The following STX2 variants were observed in gnomAD, a reference collection of about 807,000 sequenced individuals.
The protein encoded by STX2 is syntaxin 2, also known as syntaxin-2.
In STX2, 27 loss-of-function variants were observed where a neutral mutation model predicts 40.6. The observed-to-expected ratio is 0.66, with a 90% CI of 0.49 to 0.92. The LOEUF is 0.92. Ranked by LOEUF, STX2 falls within the 40% of genes least tolerant of loss-of-function variation. The pLI, the probability that STX2 is intolerant of heterozygous loss-of-function variation, is 0.00. For missense variants in STX2, 328 were observed against 366.1 expected (o/e 0.90, Z 0.85); for synonymous variants, 123 against 119.1 (o/e 1.03, Z -0.22).
Position 130,806,876 on chromosome 12 carries a change from G to A in STX2, c.463+106C>T, listed in dbSNP as rs1951454668. 1.0e-5 allele frequency: 11 copies of A among 1,053,308 alleles called. No homozygotes were observed. In the East Asian group the frequency reaches 2.7e-4, roughly 26 times the overall value. The allele number at this position is 1,053,308 out of a possible 1,614,324, so 65.2% of individuals were successfully genotyped here. A position where few individuals can be genotyped will look rare whatever the true frequency, so the allele number is the denominator to read the frequency against. ...AGTGGTCTTTGGGTTTTACACTATTGGTGAAAATAGACATGGATTTCCTTT... is the reference window on the plus strand; with the variant it reads ...AGTGGTCTTTGGGTTTTACACTATTAGTGAAAATAGACATGGATTTCCTTT... On this transcript the variant is annotated intron_variant, in intron 6 of 10. Coordinates refer to ENST00000392373, the MANE Select transcript of STX2 (RefSeq NM_194356.4).
rs1427844638 is a variant in STX2, at chr12:130,789,675, A to T, written c.*2348T>A. Reference sequence around the variant, plus strand: ...AAAATCTTTCCAGAAATGACAAGGCAGGAAAGTGAATACTTTTATGCTTCT... The same window carrying T: ...AAAATCTTTCCAGAAATGACAAGGCTGGAAAGTGAATACTTTTATGCTTCT... On this transcript the variant is annotated 3_prime_UTR_variant, in exon 11 of 11. Transcript: ENST00000392373. The T allele has an allele frequency of 6.6e-6, 1 of 152,670 alleles. No individual in the cohort carries two copies. Among genetic ancestry groups the T allele is most frequent in the Non-Finnish European group, 1.5e-5 (1 of 68,042 alleles). The allele number at this position is 152,670 out of a possible 1,614,324, so 9.5% of individuals were successfully genotyped here.
Position 130,796,073 on chromosome 12 carries a change from G to A in STX2, c.834C>T (p.Ile278=), listed in dbSNP as rs374031341. ...IAVSVVLVAI[I]ALIIGLSVGK ...CAACTGACAAGCCAATAATTAGAGC[G>A]ATTATGGCAACCAGAACCACTGACA... is the stretch of plus-strand genomic sequence containing the variant. Residue 278 remains isoleucine (I), a synonymous_variant, in exon 10 of 11, where the codon ATC becomes ATT. Coordinates refer to ENST00000392373, the MANE Select transcript of STX2 (RefSeq NM_194356.4). 7.4e-6 allele frequency: 12 copies of A among 1,614,104 alleles called. No individual in the cohort carries two copies. The highest frequency in any genetic ancestry group is 1.1e-5 in the South Asian group (1 of 91,078).
chr12:130,826,544 G>A (rs922281094), intron 2 of STX2, among the ~76,000 whole-genome samples: 4 of 152,096 alleles, frequency 2.6e-5, no homozygotes, highest in Admixed American at 2.6e-4. Flanking sequence ...GTTCCCTCCC[G>A]GACTGCATTA....
chr12:130,814,354 G>T (rs1208404923), intron 3 of STX2, among the ~76,000 whole-genome samples: 1 of 152,188 alleles, frequency 6.6e-6, no homozygotes, highest in Non-Finnish European at 1.5e-5. Context: ...GGGCAGCGAG[G>T]AGGAGAAGCG....
intron 10 of STX2, 118 bp from the exon 11 acceptor site, chr12:130,792,095 G>A: frequency 1.6e-6 from 1 of 625,918 alleles, no homozygotes; most frequent in Non-Finnish European, 2.7e-6. Flanking sequence ...TATCAAGAAA[G>A]GACTCCTCCA....
intron 3 of STX2, among the ~76,000 whole-genome samples, chr12:130,818,185 A>AAAAAAAAAATAT: frequency 2.8e-3 from 198 of 70,468 alleles, no homozygotes; most frequent in Admixed American, 0.011. Flanking sequence ...AAAAAAAAAA[A>AAAAAAAAAATAT]ATATATATAT....
chr12:130,814,023 A>G (rs1057172638), intron 3 of STX2, among the ~76,000 whole-genome samples: 3 of 152,194 alleles, frequency 2.0e-5, no homozygotes, highest in Admixed American at 2.0e-4. Context: ...TCAGCTGAGC[A>G]TACGCAGGGT....
At chr12:130,814,292 C>T (rs1951772054) in intron 3 of STX2, among the ~76,000 whole-genome samples, 2 of 152,048 alleles carry the variant, frequency 1.3e-5, no homozygotes, top group South Asian at 4.1e-4. Context: ...CAGGAAGCGC[C>T]AATGCCACGC....
intron 4 of STX2, among the ~76,000 whole-genome samples, 193 bp from the exon 5 acceptor site, chr12:130,808,897 G>A (rs1951540967): frequency 6.6e-6 from 1 of 152,188 alleles, no homozygotes; most frequent in Non-Finnish European, 1.5e-5. Context: ...GACAAGGTCT[G>A]GCTCTATCAC....
intron 5 of STX2, among the ~76,000 whole-genome samples, chr12:130,807,787 G>A (rs985790426): frequency 6.6e-6 from 1 of 152,180 alleles, no homozygotes; most frequent in Non-Finnish European, 1.5e-5. Flanking sequence ...ACTGTGAAAG[G>A]AAAATAAAAT....
intron 10 of STX2, among the ~76,000 whole-genome samples, chr12:130,795,758 G>A (rs532655469): frequency 1.3e-5 from 2 of 152,112 alleles, no homozygotes; most frequent in South Asian, 2.1e-4. Flanking sequence ...TTTTAAAAAC[G>A]GGATAAGAAG....
chr12:130,827,176 T>C lies in STX2; in HGVS notation c.105+17A>G. 2 of 1,608,728 alleles carry C rather than the reference T, an allele frequency of 1.2e-6. No individual in the cohort carries two copies. Among genetic ancestry groups the C allele is most frequent in the South Asian group, 2.2e-5 (2 of 90,922 alleles). ...CAGGTAGGCAGGCTATGATTGGGTT[T>C]CATTAAACGCTCTTACCTGATGGAA... On this transcript the variant is annotated intron_variant, in intron 2 of 10. Coordinates refer to ENST00000392373, the MANE Select transcript of STX2 (RefSeq NM_194356.4).
At chr12:130,799,516 T>A (rs2136240012) in intron 8 of STX2, among the ~76,000 whole-genome samples, 1 of 152,218 alleles carries the variant, frequency 6.6e-6, no homozygotes, top group Non-Finnish European at 1.5e-5. Flanking sequence ...TGGAAATAAG[T>A]AACCAATGGT....
chr12:130,804,369 T>C (rs143200574), intron 6 of STX2, among the ~76,000 whole-genome samples: 346 of 152,234 alleles, frequency 2.3e-3, no homozygotes, highest in African/African-American at 7.8e-3. Flanking sequence ...ACCACCGTGA[T>C]GACCGATGCT....
chr12:130,812,840 T>G, intron 4 of STX2, 117 bp downstream of exon 4: 1 of 713,366 alleles, frequency 1.4e-6, no homozygotes, highest in Non-Finnish European at 2.4e-6. Context: ...TAATTTATTT[T>G]AAAGCAGTCA....
intron 6 of STX2, among the ~76,000 whole-genome samples, chr12:130,804,426 G>A (rs1951349506): frequency 1.3e-5 from 2 of 152,216 alleles, no homozygotes; most frequent in African/African-American, 4.8e-5. Flanking sequence ...TGAAGACGAT[G>A]CCTCCGGCAC....
chr12:130,804,149 A>G (rs1951337476), intron 6 of STX2, among the ~76,000 whole-genome samples: 1 of 152,232 alleles, frequency 6.6e-6, no homozygotes, highest in South Asian at 2.1e-4. Context: ...GCCCTGGTCC[A>G]AGAAGAAACT....
In STX2 at chr12:130,806,985, T is replaced by A. The variant is rs780730429; in HGVS notation, c.460A>T (p.Ile154Leu). ...SKGRIQRQLE[I>L]TGRTTTDDEL... The stretch of plus-strand genomic sequence containing the variant: ...AGACGGAGTCTCCATTACTCACTTA[T>A]CTCCAGCTGGCGCTGGATGCGGCCT... Residue 154 changes from isoleucine to leucine, a missense_variant, in exon 6 of 11, where the codon ATA (isoleucine) becomes TTA (leucine). By Grantham distance (5) the Ile-to-Leu change is conservative. Coordinates refer to ENST00000392373, the MANE Select transcript of STX2 (RefSeq NM_194356.4). The A allele has an allele frequency of 6.2e-7, 1 of 1,613,120 alleles. No homozygotes were observed. Among genetic ancestry groups the A allele is most frequent in the Admixed American group, 1.7e-5 (1 of 60,026 alleles).
intron 1 of STX2, among the ~76,000 whole-genome samples, chr12:130,834,696 T>C (rs756611805): frequency 4.6e-5 from 7 of 152,196 alleles, no homozygotes; most frequent in Non-Finnish European, 1.0e-4. Context: ...TAATTAAGAA[T>C]AGAGAAACTA....
Sources: gnomAD v4.1 joint callset for allele counts (sites outside exome capture counted in the v4.1 genomes callset) on GRCh38, gnomAD v4.1.1 for gene constraint, MANE v1.5 for transcripts, NCBI Gene and HGNC (gene_info 2026-07-23, HGNC 2026-07-21) for gene names.